HDAC8: variants seen among roughly 807,000 people sequenced by gnomAD.
HDAC8 encodes histone deacetylase-like 1.
A neutral mutation model predicts 32.2 loss-of-function variants in HDAC8; 1 was observed. The ratio of observed to expected loss-of-function variants is 0.03; its 90% confidence interval spans 0.01 to 0.15. The LOEUF is 0.15. HDAC8 is among the 10% of genes least tolerant of loss of function. The probability of loss-of-function intolerance (pLI) is 1.00; values close to 1 mark genes in which losing one functional copy is unlikely to be tolerated. For synonymous variants in HDAC8, 108 were observed against 113.9 expected (o/e 0.95, Z 0.33); for missense variants, 117 against 300.0 (o/e 0.39, Z 4.51).
In HDAC8 at chrX:72,456,798, C is replaced by T. The variant is rs184310239; in HGVS notation, c.1005+5206G>A. ...TGGGCGACACAGCAAGATTCTGTCTCACAAAAAACAAAAAACGAAACAAAA... is the reference window on the plus strand; with the variant it reads ...TGGGCGACACAGCAAGATTCTGTCTTACAAAAAACAAAAAACGAAACAAAA... On this transcript the variant is annotated intron_variant, in intron 9 of 10. Transcript: ENST00000373573. 3.8e-4 allele frequency among the ~76,000 whole-genome samples: 42 copies of T among 111,022 alleles called. 1 individual carries two copies. The East Asian group carries it at 7.9e-3, about 21-fold the overall frequency.
intron 10 of HDAC8, among the ~76,000 whole-genome samples, chrX:72,342,947 A>G (rs1555945542): frequency 9.0e-6 from 1 of 111,540 alleles, no homozygotes; most frequent in South Asian, 3.8e-4. Flanking sequence ...TATACTGTCA[A>G]GAGTTTGGCC....
intron 4 of HDAC8, among the ~76,000 whole-genome samples, chrX:72,520,378 A>G (rs2049945459): frequency 8.9e-6 from 1 of 112,283 alleles, no homozygotes; most frequent in East Asian, 2.7e-4. Context: ...AGGCTTTAAA[A>G]GAACTGTTTT....
In HDAC8 at chrX:72,337,546, A is replaced by G. The variant is rs200299825; in HGVS notation, c.1112-7470T>C. ...GATTCTACCTCCAAAATAGATTCCAAATCTACCTCTTTTTTTCCCTCCTTC... is the reference window on the plus strand; with the variant it reads ...GATTCTACCTCCAAAATAGATTCCAGATCTACCTCTTTTTTTCCCTCCTTC... On this transcript the variant is annotated intron_variant, in intron 10 of 10. Transcript: ENST00000373573. 5.4e-5 allele frequency among the ~76,000 whole-genome samples: 6 copies of G among 110,681 alleles called. No homozygotes were observed. In the East Asian group the frequency reaches 1.7e-3, roughly 32 times the overall value.
intron 4 of HDAC8, among the ~76,000 whole-genome samples, chrX:72,536,817 A>G (rs2050543150): frequency 8.9e-6 from 1 of 111,853 alleles, no homozygotes; most frequent in Non-Finnish European, 1.9e-5. Context: ...GCTCAATGGA[A>G]TGAAAATCTT....
In HDAC8 at chrX:72,331,523, C is replaced by T. The variant is rs1252178220; in HGVS notation, c.1112-1447G>A. On this transcript the variant is annotated intron_variant, in intron 10 of 10. Coordinates refer to ENST00000373573, the MANE Select transcript of HDAC8 (RefSeq NM_018486.3). The stretch of plus-strand genomic sequence containing the variant: ...TAGGCTATTTTATTTTTTTACTCAG[C>T]ATAATGCCTTTGAGGTTCATGCAGA... 2.7e-5 allele frequency among the ~76,000 whole-genome samples: 3 copies of T among 111,433 alleles called. No homozygotes were observed. In the Admixed American group the frequency reaches 2.9e-4, roughly 11 times the overall value.
chrX:72,456,777 C>T (rs1233319779), intron 9 of HDAC8, among the ~76,000 whole-genome samples: 4 of 110,934 alleles, frequency 3.6e-5, no homozygotes, highest in East Asian at 2.8e-4. Flanking sequence ...CCAGCCTGGG[C>T]GACACAGCAA....
intron 9 of HDAC8, among the ~76,000 whole-genome samples, chrX:72,369,645 G>A (rs1225084946): frequency 1.8e-5 from 2 of 112,055 alleles, no homozygotes; most frequent in Non-Finnish European, 3.8e-5. Context: ...GGACAGGATG[G>A]GATGCTCAGA....
intron 9 of HDAC8, among the ~76,000 whole-genome samples, chrX:72,404,998 TACAAG>T (rs2045999950): frequency 4.5e-5 from 5 of 111,135 alleles, no homozygotes; most frequent in African/African-American, 1.6e-4. Flanking sequence ...AAGTTCAGGG[TACAAG>T]TGCAGGTTTG....
chrX:72,449,907 G>C (rs1555986764), intron 9 of HDAC8, among the ~76,000 whole-genome samples: 1 of 111,812 alleles, frequency 8.9e-6, no homozygotes, highest in African/African-American at 3.2e-5. Context: ...ATATGATATA[G>C]CATTTGCATT....
rs148009157 is a variant in HDAC8, at chrX:72,501,841, A to G, written c.438-6573T>C. 1.3e-4 allele frequency among the ~76,000 whole-genome samples: 15 copies of G among 112,505 alleles called. No homozygotes were observed. In the East Asian group the frequency reaches 4.2e-3, roughly 31 times the overall value. ...TCAACAGAGTAAACAGACAACCTAC[A>G]GAATAGGAGAAAATATTTGCAAACT... On this transcript the variant is annotated intron_variant, in intron 4 of 10. Transcript: ENST00000373573.
chrX:72,453,522 A>AAGAAAGAAAG, intron 9 of HDAC8, among the ~76,000 whole-genome samples: 1 of 74,115 alleles, frequency 1.3e-5, no homozygotes, highest in East Asian at 3.4e-4. Flanking sequence ...GAAAGAAAGA[A>AAGAAAGAAAG]AAAGAAAGAA....
intron 9 of HDAC8, among the ~76,000 whole-genome samples, chrX:72,427,607 G>C (rs1436710147): frequency 3.5e-5 from 3 of 86,184 alleles, no homozygotes; most frequent in Non-Finnish European, 7.4e-5. Context: ...TGGGGTGGGG[G>C]GGGGGAGGGA....
intron 9 of HDAC8, among the ~76,000 whole-genome samples, chrX:72,453,447 A>T (rs1420002199): frequency 9.7e-6 from 1 of 102,642 alleles, no homozygotes; most frequent in African/African-American, 3.6e-5. Context: ...ACGGAGTAAG[A>T]CTCTGTCTCT....
Position 72,376,306 on chromosome X carries a change from A to G in HDAC8, c.1006-24468T>C, listed in dbSNP as rs1331009951. Among the ~76,000 whole-genome samples, 4 of 112,212 alleles carry G rather than the reference A, an allele frequency of 3.6e-5. No individual in the cohort carries two copies. In the East Asian group the frequency reaches 1.1e-3, roughly 31 times the overall value. The stretch of plus-strand genomic sequence containing the variant: ...AGACATTTTTTTCTTAAGTCTACCT[A>G]AAGTTTTGTAATTTTGCTGAGCTTT... On this transcript the variant is annotated intron_variant, in intron 9 of 10. Coordinates refer to ENST00000373573, the MANE Select transcript of HDAC8 (RefSeq NM_018486.3).
intron 9 of HDAC8, among the ~76,000 whole-genome samples, chrX:72,405,211 A>G (rs1161479035): frequency 1.8e-5 from 2 of 111,569 alleles, no homozygotes; most frequent in African/African-American, 3.3e-5. Context: ...GCTCCCACTT[A>G]TAAGTGAGAA....
chrX:72,453,512 G>GAAAGA (rs1448981873), intron 9 of HDAC8, among the ~76,000 whole-genome samples: 2 of 108,125 alleles, frequency 1.8e-5, no homozygotes, highest in Admixed American at 1.0e-4. Flanking sequence ...AAGAAAGAAA[G>GAAAGA]AAAGAAAGAA....
chrX:72,342,999 T>TA (rs1338725052), intron 10 of HDAC8, among the ~76,000 whole-genome samples: 9 of 111,617 alleles, frequency 8.1e-5, no homozygotes, highest in African/African-American at 2.9e-4. Flanking sequence ...TATATAGACA[T>TA]AAAAAAACCC....
Position 72,425,666 on chromosome X carries a change from T to C in HDAC8, c.1005+36338A>G, listed in dbSNP as rs2046619110. 5.4e-5 allele frequency among the ~76,000 whole-genome samples: 6 copies of C among 111,962 alleles called. No individual in the cohort carries two copies. In the South Asian group the frequency reaches 2.2e-3, roughly 42 times the overall value. Reference sequence around the variant, plus strand: ...CTAATAAGTGTCAGATCATTTAAGGTAGCTCAAGAAAAGATGAAAACAGAG... The same window carrying C: ...CTAATAAGTGTCAGATCATTTAAGGCAGCTCAAGAAAAGATGAAAACAGAG... On this transcript the variant is annotated intron_variant, in intron 9 of 10. Coordinates refer to ENST00000373573, the MANE Select transcript of HDAC8 (RefSeq NM_018486.3).
At chrX:72,381,926 T>A (rs1185616012) in intron 9 of HDAC8, among the ~76,000 whole-genome samples, 1 of 112,402 alleles carries the variant, frequency 8.9e-6, no homozygotes, top group African/African-American at 3.2e-5. Flanking sequence ...GAATAAATCT[T>A]GGAAGTTGAC....
Sources: allele counts gnomAD v4.1 joint callset (sites outside exome capture counted in the v4.1 genomes callset), GRCh38; gene constraint gnomAD v4.1.1; transcripts MANE v1.5; gene names NCBI Gene and HGNC (gene_info 2026-07-23, HGNC 2026-07-21).